ZC3H6: variants seen among roughly 807,000 people sequenced by gnomAD.
ZC3H6 encodes zinc finger CCCH-type containing 6.
Under a neutral mutation model 107.7 loss-of-function variants are expected in ZC3H6, and 40 were observed. The ratio of observed to expected loss-of-function variants is 0.37; its 90% CI spans 0.29 to 0.48. ZC3H6 has a LOEUF of 0.48. Among genes scored for constraint, ZC3H6 ranks in the 20% least tolerant of loss-of-function variants. The pLI, the probability that ZC3H6 is intolerant of heterozygous loss-of-function variation, is 0.98. For missense variants in ZC3H6, 1,267 were observed against 1,410.4 expected (o/e 0.90, Z 1.63); for synonymous variants, 493 against 487.9 (o/e 1.01, Z -0.14).
At chr2:112,287,947 A>G (rs1686640921) in intron 1 of ZC3H6, among the ~76,000 whole-genome samples, 1 of 152,210 alleles carries the variant, frequency 6.6e-6, no homozygotes, top group Non-Finnish European at 1.5e-5. Context: ...AATACATGGC[A>G]TGCCTTTCTG....
At chr2:112,299,824 G>T in intron 1 of ZC3H6, 25 bp from the exon 2 acceptor site, 1 of 1,348,270 alleles carries the variant, frequency 7.4e-7, no homozygotes, top group South Asian at 2.0e-5. Context: ...AATGATATTT[G>T]AAAATTAAAA....
intron 5 of ZC3H6, among the ~76,000 whole-genome samples, chr2:112,315,039 G>A (rs191757064): frequency 1.3e-3 from 191 of 152,230 alleles, no homozygotes; most frequent in African/African-American, 4.5e-3. Flanking sequence ...CTTGTTTTCA[G>A]TAGATTGAAC....
At chr2:112,316,284 T>C (rs983512290) in intron 5 of ZC3H6, among the ~76,000 whole-genome samples, 186 bp from the exon 6 acceptor site, 5 of 151,744 alleles carry the variant, frequency 3.3e-5, no homozygotes, top group African/African-American at 1.2e-4. Flanking sequence ...TTTTTTGCGA[T>C]CACTAGTAGC....
At chr2:112,285,287 CAA>C (rs1354551245) in intron 1 of ZC3H6, among the ~76,000 whole-genome samples, 1 of 151,630 alleles carries the variant, frequency 6.6e-6, no homozygotes, top group African/African-American at 2.4e-5. Context: ...CAAAGTGACA[CAA>C]AAAGATTTTC....
chr2:112,314,868 T>A (rs1366080409), intron 5 of ZC3H6, among the ~76,000 whole-genome samples: 34 of 152,206 alleles, frequency 2.2e-4, no homozygotes, highest in Admixed American at 2.2e-3. Context: ...AAATTAGGTA[T>A]GTTTATATTT....
chr2:112,324,888 G>A (rs1676877790), intron 10 of ZC3H6, 76 bp from the exon 11 acceptor site: 2 of 1,322,394 alleles, frequency 1.5e-6, no homozygotes, highest in Admixed American at 2.2e-5. Flanking sequence ...TGCCTGTGAT[G>A]AAAGCTTTCA....
At position 112,325,160 on chromosome 2, in the gene ZC3H6, C is replaced by T; in HGVS notation, c.2049C>T (p.Thr683=). 1.2e-6 allele frequency: 2 copies of T among 1,613,990 alleles called. No individual in the cohort carries two copies. The highest frequency in any genetic ancestry group is 2.2e-5 in the East Asian group (1 of 44,882). ...GATACCAAGAAGATGAAGAACAAACCAGCACCCAACCTCATAGGGCACCAA... is the reference window on the plus strand; with the variant it reads ...GATACCAAGAAGATGAAGAACAAACTAGCACCCAACCTCATAGGGCACCAA... ...TQRYQEDEEQ[T]STQPHRAPSK... is the part of the protein sequence containing the mutation. Residue 683 remains threonine, a synonymous_variant, in exon 11 of 12, where the codon ACC becomes ACT. Coordinates refer to ENST00000409871, the MANE Select transcript of ZC3H6 (RefSeq NM_198581.3).
chr2:112,306,315 G>A (rs1031577453), intron 3 of ZC3H6, among the ~76,000 whole-genome samples: 1 of 151,958 alleles, frequency 6.6e-6, no homozygotes, highest in Non-Finnish European at 1.5e-5. Flanking sequence ...TGGGACTACA[G>A]GCATACGCCA....
At chr2:112,328,259 A>C (rs1676949737) in intron 11 of ZC3H6, among the ~76,000 whole-genome samples, 1 of 152,194 alleles carries the variant, frequency 6.6e-6, no homozygotes, top group Non-Finnish European at 1.5e-5. Context: ...TAATTTGACC[A>C]GGTAATGTGA....
intron 7 of ZC3H6, among the ~76,000 whole-genome samples, chr2:112,320,955 AT>A (rs936604924): frequency 1.3e-5 from 2 of 152,072 alleles, no homozygotes; most frequent in East Asian, 1.9e-4. Flanking sequence ...TACTAAGAGG[AT>A]TTTTTTAAAC....
At chr2:112,315,993 A>G (rs1056677143) in intron 5 of ZC3H6, among the ~76,000 whole-genome samples, 4 of 152,130 alleles carry the variant, frequency 2.6e-5, no homozygotes, top group African/African-American at 9.7e-5. Flanking sequence ...TTAAATGTGT[A>G]GAGTGTTTCT....
At chr2:112,310,753 A>G (rs558605846) in intron 4 of ZC3H6, among the ~76,000 whole-genome samples, 1 of 152,200 alleles carries the variant, frequency 6.6e-6, no homozygotes, top group Non-Finnish European at 1.5e-5. Context: ...TGGCTAGTCA[A>G]TGTATCTGCT....
chr2:112,277,531 A>G (rs1275491201), intron 1 of ZC3H6, among the ~76,000 whole-genome samples: 1 of 152,206 alleles, frequency 6.6e-6, no homozygotes, highest in East Asian at 1.9e-4. Context: ...GCTGGTAAGG[A>G]ACTGTGATGA....
At position 112,336,532 on chromosome 2, in the gene ZC3H6, C is replaced by A. The variant is rs1264236399; in HGVS notation, c.*4044C>A. ...GAAATCCAAGTTTTGACATATATAA[C>A]CAAACGGCCTAAGAGTTCAAAGCTA... On this transcript the variant is annotated 3_prime_UTR_variant, in exon 12 of 12. Transcript: ENST00000409871. 6.6e-6 allele frequency: 1 copy of A among 152,146 alleles called. No individual in the cohort carries two copies. The highest frequency in any genetic ancestry group is 2.1e-4 in the South Asian group (1 of 4,826). The allele number at this position is 152,146 out of a possible 1,614,324, so 9.4% of individuals were successfully genotyped here. A position where few individuals can be genotyped will look rare whatever the true frequency, so the allele number is the denominator to read the frequency against.
intron 1 of ZC3H6, among the ~76,000 whole-genome samples, chr2:112,296,650 T>C (rs1037039199): frequency 6.6e-6 from 1 of 152,226 alleles, no homozygotes; most frequent in Non-Finnish European, 1.5e-5. Flanking sequence ...TCTCTGATTT[T>C]ATAGTAGAAG....
chr2:112,276,690 T>C (rs1686433592), intron 1 of ZC3H6, among the ~76,000 whole-genome samples: 1 of 152,222 alleles, frequency 6.6e-6, no homozygotes, highest in Admixed American at 6.5e-5. Flanking sequence ...ATCACTTGAA[T>C]ATTGAGATTC....
At chr2:112,330,828 T>C (rs1677012819) in intron 11 of ZC3H6, among the ~76,000 whole-genome samples, 177 bp from the exon 12 acceptor site, 1 of 152,066 alleles carries the variant, frequency 6.6e-6, no homozygotes, top group Non-Finnish European at 1.5e-5. Flanking sequence ...TTGTTATGCA[T>C]TTTCTTGAAG....
intron 1 of ZC3H6, among the ~76,000 whole-genome samples, chr2:112,287,635 C>T (rs1490630150): frequency 1.3e-5 from 2 of 151,976 alleles, no homozygotes; most frequent in Non-Finnish European, 2.9e-5. Flanking sequence ...GAGTCTTGTT[C>T]TGTCGCCCAG....
chr2:112,276,243 C>T (rs1349412606), intron 1 of ZC3H6, among the ~76,000 whole-genome samples: 1 of 148,670 alleles, frequency 6.7e-6, no homozygotes, highest in Non-Finnish European at 1.5e-5. Flanking sequence ...CGCTGCTCGC[C>T]AGCGCCGGCC....
Sources: gnomAD v4.1 joint callset for allele counts (sites outside exome capture counted in the v4.1 genomes callset) on GRCh38, gnomAD v4.1.1 for gene constraint, MANE v1.5 for transcripts, NCBI Gene and HGNC (gene_info 2026-07-23, HGNC 2026-07-21) for gene names.